The following ADCY10 variants were observed in gnomAD, a reference collection of about 807,000 sequenced individuals.
ADCY10 encodes adenylate cyclase type 10.
Under a neutral mutation model 183.3 loss-of-function variants are expected in ADCY10, and 156 were observed. The observed-to-expected ratio is 0.85, with a 90% confidence interval of 0.75 to 0.97. ADCY10 has a LOEUF of 0.97. Ranked by LOEUF, ADCY10 falls within the 50% of genes least tolerant of loss-of-function variation. The pLI is 0.00. For missense variants in ADCY10, 1,745 were observed against 1,934.3 expected (o/e 0.90, Z 1.84); for synonymous variants, 645 against 670.0 (o/e 0.96, Z 0.58).
chr1:167,911,564 G>A (rs550527147), intron 1 of ADCY10, among the ~76,000 whole-genome samples: 2 of 152,124 alleles, frequency 1.3e-5, no homozygotes, highest in African/African-American at 4.8e-5. Flanking sequence ...CTAGCCGATC[G>A]GGACAAATAC....
At chr1:167,856,858 A>C (rs1665943876) in intron 16 of ADCY10, among the ~76,000 whole-genome samples, 1 of 152,212 alleles carries the variant, frequency 6.6e-6, no homozygotes, top group African/African-American at 2.4e-5. Context: ...TATATTCAGC[A>C]CATGCTTACT....
intron 1 of ADCY10, among the ~76,000 whole-genome samples, chr1:167,906,819 G>A (rs531455003): frequency 6.6e-6 from 1 of 151,626 alleles, no homozygotes; most frequent in African/African-American, 2.4e-5. Flanking sequence ...TAAAAAGAAA[G>A]GTACAAGAAA....
At chr1:167,900,156 G>A (rs1021123465) in intron 5 of ADCY10, among the ~76,000 whole-genome samples, 7 of 152,194 alleles carry the variant, frequency 4.6e-5, no homozygotes, top group African/African-American at 1.7e-4. Flanking sequence ...GACAGAAGAA[G>A]ATATTGTATA....
At chr1:167,842,668 G>T (rs372402735) in intron 21 of ADCY10, among the ~76,000 whole-genome samples, 1 of 151,978 alleles carries the variant, frequency 6.6e-6, no homozygotes, top group African/African-American at 2.4e-5. Flanking sequence ...ATATTACTTG[G>T]TTTGTAATGG....
chr1:167,906,127 G>C (rs1335078593), intron 1 of ADCY10, among the ~76,000 whole-genome samples: 4 of 152,082 alleles, frequency 2.6e-5, no homozygotes, highest in Non-Finnish European at 5.9e-5. Context: ...AAAAAATTGA[G>C]ACAGTCGCTT....
intron 5 of ADCY10, among the ~76,000 whole-genome samples, chr1:167,901,425 C>A (rs1375800503): frequency 3.3e-5 from 5 of 152,132 alleles, no homozygotes; most frequent in Non-Finnish European, 5.9e-5. Context: ...AACTACCATA[C>A]CAACTAATTT....
intron 14 of ADCY10, among the ~76,000 whole-genome samples, chr1:167,864,895 GAAAA>G (rs59361245): frequency 7.7e-6 from 1 of 129,276 alleles, no homozygotes; most frequent in African/African-American, 2.8e-5. Context: ...TTGCTAACAG[GAAAA>G]AAAAAAAAAA....
intron 19 of ADCY10, among the ~76,000 whole-genome samples, chr1:167,847,369 T>C (rs1404447246): frequency 6.6e-5 from 10 of 152,156 alleles, no homozygotes; most frequent in Non-Finnish European, 1.5e-4. Context: ...AAAACATTCC[T>C]TGAAAGTCAT....
intron 23 of ADCY10, 81 bp downstream of exon 23, chr1:167,836,224 CAGAA>C: frequency 1.1e-6 from 1 of 886,128 alleles, no homozygotes; most frequent in Non-Finnish European, 1.9e-6. Flanking sequence ...GTGAAGTAAT[CAGAA>C]AGCATGCTGG....
At chr1:167,859,049 G>A (rs1411761666) in intron 16 of ADCY10, among the ~76,000 whole-genome samples, 1 of 152,122 alleles carries the variant, frequency 6.6e-6, no homozygotes, top group Non-Finnish European at 1.5e-5. Context: ...ATACAGAATG[G>A]CATAATTTGC....
chr1:167,824,886 CA>C lies in ADCY10; in HGVS notation c.3751-32del, dbSNP rs1223769903. On this transcript the variant is annotated intron_variant, in intron 26 of 32. Transcript: ENST00000367851. ...ATGGCAGAGTGGAGGAAGAGTGAGG[CA>C]GAACGCAAAGCAGAAAGCTCAGGAA... 1.9e-6 allele frequency: 3 copies of C among 1,598,722 alleles called. No individual in the cohort carries two copies. The African/African-American group carries it at 4.0e-5, about 21-fold the overall frequency.
chr1:167,818,785 C>T (rs1426555722), intron 30 of ADCY10, among the ~76,000 whole-genome samples: 8 of 152,148 alleles, frequency 5.3e-5, no homozygotes, highest in East Asian at 1.9e-4. Flanking sequence ...GTGATCCACC[C>T]GCCTTGGCCT....
intron 18 of ADCY10, among the ~76,000 whole-genome samples, chr1:167,852,000 A>C (rs201665356): frequency 2.6e-5 from 4 of 152,294 alleles, no homozygotes; most frequent in East Asian, 3.9e-4. Context: ...CATGCAATTA[A>C]TTATTTTAAA....
intron 30 of ADCY10, 21 bp from the exon 31 acceptor site, chr1:167,818,288 A>C (rs1477417450): frequency 1.2e-6 from 2 of 1,607,164 alleles, no homozygotes; most frequent in Non-Finnish European, 1.7e-6. Flanking sequence ...ACAAGAGAAT[A>C]AGAAAAATCA....
intron 18 of ADCY10, among the ~76,000 whole-genome samples, chr1:167,849,186 G>A (rs976868218): frequency 6.6e-6 from 1 of 151,930 alleles, no homozygotes; most frequent in Non-Finnish European, 1.5e-5. Context: ...ACATATATTT[G>A]TATGTATACA....
intron 21 of ADCY10, among the ~76,000 whole-genome samples, chr1:167,839,125 A>G (rs1664438956): frequency 1.3e-5 from 2 of 152,260 alleles, no homozygotes; most frequent in Admixed American, 1.3e-4. Context: ...TCTGTAGAGA[A>G]GGCAGTACCA....
chr1:167,877,648 A>T (rs1346597158), intron 12 of ADCY10, among the ~76,000 whole-genome samples: 4 of 152,180 alleles, frequency 2.6e-5, no homozygotes, highest in African/African-American at 9.6e-5. Flanking sequence ...AATAATTGTG[A>T]TATAGGGCAA....
chr1:167,850,116 T>C (rs113950698), intron 18 of ADCY10, among the ~76,000 whole-genome samples: 3 of 152,012 alleles, frequency 2.0e-5, no homozygotes, highest in African/African-American at 7.3e-5. Context: ...AAGCAGCATA[T>C]GGAAAAGGCG....
At position 167,845,582 on chromosome 1, in the gene ADCY10, A is replaced by G. The variant is rs1389307543; in HGVS notation, c.2988T>C (p.Ala996=). 1.2e-6 allele frequency: 2 copies of G among 1,614,190 alleles called. No homozygotes were observed. The highest frequency in any genetic ancestry group is 8.5e-7 in the Non-Finnish European group (1 of 1,180,010). The change falls in exon 21 of 33, where the codon GCT becomes GCC. Residue 996 remains alanine (A), a synonymous_variant. Transcript: ENST00000367851. ...GGTTACTTTTAAATCCATGAGACAT[A>G]GCCATCTTTTTAATGGCATCCATGT... is the stretch of plus-strand genomic sequence containing the variant. The part of the protein sequence containing the change: ...ALDMDAIKKM[A]MSHGFKTEEK...
Sources: gnomAD v4.1 joint callset for allele counts (sites outside exome capture counted in the v4.1 genomes callset) on GRCh38, gnomAD v4.1.1 for gene constraint, MANE v1.5 for transcripts, NCBI Gene and HGNC (gene_info 2026-07-23, HGNC 2026-07-21) for gene names.